KIF9: variants seen among roughly 807,000 people sequenced by gnomAD.
KIF9 encodes the protein kinesin-like protein KIF9.
Under a neutral mutation model 94.8 loss-of-function variants are expected in KIF9, and 68 were observed. The ratio of observed to expected loss-of-function variants is 0.72; its 90% confidence interval spans 0.59 to 0.88. KIF9 has a LOEUF of 0.88. KIF9 is among the 40% of genes least tolerant of loss of function. The pLI is 0.00. For synonymous variants in KIF9, 343 were observed against 362.1 expected, an observed-to-expected ratio of 0.95 and a Z score of 0.60; for missense variants, 882 against 982.5, an observed-to-expected ratio of 0.90 and a Z score of 1.37.
intron 8 of KIF9, 123 bp from the exon 9 acceptor site, chr3:47,264,473 G>A (rs770108761): frequency 7.0e-6 from 5 of 718,488 alleles, no homozygotes; most frequent in Non-Finnish European, 9.9e-6. Context: ...GTCTCACTAT[G>A]TCACCCAGGC....
At chr3:47,256,557 G>A (rs541703691) in intron 10 of KIF9, among the ~76,000 whole-genome samples, 33 of 150,570 alleles carry the variant, frequency 2.2e-4, no homozygotes, top group Admixed American at 1.4e-3. Context: ...CGCCCTGTCC[G>A]GGAGGGGAGG....
chr3:47,260,461 G>A (rs1038569554), intron 9 of KIF9, among the ~76,000 whole-genome samples: 1 of 152,060 alleles, frequency 6.6e-6, no homozygotes, highest in Non-Finnish European at 1.5e-5. Flanking sequence ...CCCACCTTAC[G>A]AGAAACACCC....
At position 47,240,862 on chromosome 3, in the gene KIF9, CT is replaced by C. The variant is rs1292767764; in HGVS notation, c.1862del (p.Lys621SerfsTer6). On this transcript the variant is annotated frameshift_variant, in exon 17 of 21. Transcript: ENST00000684063. LOFTEE classifies it high-confidence loss of function. Reference protein sequence around the residue: ...SETTQHINAIKREIDVTKEAL... With the variant: ...SETTQHINAIXREIDVTKEAL... ...CCTCCTTGGTCACATCAATCTCCCG[CT>C]TGATGGCATTGATGTGCTGTGTGGT... 4.3e-6 allele frequency: 7 copies of C among 1,614,108 alleles called. No homozygotes were observed. The African/African-American group carries it at 8.0e-5, about 18-fold the overall frequency.
chr3:47,236,199 T>C (rs779023088), intron 18 of KIF9, 50 bp from the exon 19 acceptor site: 1 of 1,339,734 alleles, frequency 7.5e-7, no homozygotes, highest in Non-Finnish European at 1.1e-6. Context: ...AAGGGCTGTG[T>C]GCTGTCATCT....
intron 5 of KIF9, among the ~76,000 whole-genome samples, chr3:47,267,871 C>CT (rs1701385920): frequency 6.9e-6 from 1 of 144,854 alleles, no homozygotes; most frequent in African/African-American, 2.5e-5. Flanking sequence ...TTTGTGTTCT[C>CT]CTTTTTTTTT....
intron 3 of KIF9, 132 bp downstream of exon 3, chr3:47,275,193 C>T (rs1421602551): frequency 1.4e-6 from 1 of 713,428 alleles, no homozygotes; most frequent in South Asian, 2.1e-5. Flanking sequence ...GTAAGTTTTG[C>T]AACGTAAGAA....
chr3:47,246,491 T>G (rs1019577701), intron 12 of KIF9: 1 of 319,200 alleles, frequency 3.1e-6, no homozygotes, highest in African/African-American at 2.1e-5. Flanking sequence ...AAACCACCTT[T>G]TCGAAGTGGA....
rs1166175644 is a variant in KIF9, at chr3:47,234,272, C to G, written c.2322+1241G>C. 3.3e-5 allele frequency among the ~76,000 whole-genome samples: 5 copies of G among 150,316 alleles called. No individual in the cohort carries two copies. In the South Asian group the frequency reaches 6.3e-4, roughly 19 times the overall value. ...TTGGAGACGGAGTCTCTCATTCTGT[C>G]GCCGAGGCTGGAGTGTAGTGGTACA... is the stretch of plus-strand genomic sequence containing the variant. On this transcript the variant is annotated intron_variant, in intron 20 of 20. Transcript: ENST00000684063.
rs1701639012 is a variant in KIF9 at position 47,271,405 on chromosome 3, G to A, written c.423C>T (p.Tyr141=). The A allele has an allele frequency of 6.2e-7, 1 of 1,613,940 alleles. No individual in the cohort carries two copies. ...ACAGGCTCTCATTATAGATTTCCAA[G>A]TAGGAAACACGCACAGTGATGGCAT... ...PTHAITVRVS[Y]LEIYNESLFD... The change falls in exon 5 of 21, where the codon TAC becomes TAT. Residue 141 remains tyrosine, a synonymous_variant. Coordinates refer to ENST00000684063, the MANE Select transcript of KIF9 (RefSeq NM_182902.4).
At position 47,247,223 on chromosome 3, in the gene KIF9, G is replaced by C; in HGVS notation, c.1233+150C>G. 10 of 565,710 alleles carry C rather than the reference G, an allele frequency of 1.8e-5. No individual in the cohort carries two copies. In the South Asian group the frequency reaches 2.1e-4, roughly 12 times the overall value. The allele number at this position is 565,710 out of a possible 1,614,324, so 35.0% of individuals were successfully genotyped here. On this transcript the variant is annotated intron_variant, in intron 12 of 20. Coordinates refer to ENST00000684063, the MANE Select transcript of KIF9 (RefSeq NM_182902.4). The stretch of plus-strand genomic sequence containing the variant: ...GCTTGTGCCCCTGAGATGAGCTGAA[G>C]GGACCCTGACATCAAGAGTCCAGCA...
At position 47,236,446 on chromosome 3, in the gene KIF9, T is replaced by C. The variant is rs377221664; in HGVS notation, c.2098A>G (p.Met700Val). 10 of 1,612,804 alleles carry C rather than the reference T, an allele frequency of 6.2e-6. No homozygotes were observed. Among genetic ancestry groups the C allele is most frequent in the Non-Finnish European group, 8.5e-6 (10 of 1,180,002 alleles). The stretch of plus-strand genomic sequence containing the variant: ...CCAACCTTCCCAACTGTCGCACCCA[T>C]GAGCAGGCGGTGGCGACACTGATCC... ...LVDQCRHRLL[M>V]EFDIWYNESF... The change falls in exon 18 of 21, where the codon ATG becomes GTG. Residue 700 changes from methionine to valine, a missense_variant. Met to Val is a conservative substitution (Grantham distance 21, BLOSUM62 1). Transcript: ENST00000684063.
At chr3:47,264,212 G>T in intron 9 of KIF9, 74 bp downstream of exon 9, 2 of 1,152,388 alleles carry the variant, frequency 1.7e-6, no homozygotes, top group Non-Finnish European at 2.6e-6. Context: ...AGGGTAGCCA[G>T]CCTGGAGCCT....
rs142546493 is a variant in KIF9 at position 47,246,219 on chromosome 3, T to A, written c.1267A>T (p.Asn423Tyr). 60 of 1,613,632 alleles carry A rather than the reference T, an allele frequency of 3.7e-5. No individual in the cohort carries two copies. Among genetic ancestry groups the A allele is most frequent in the Non-Finnish European group, 4.8e-5 (57 of 1,179,838 alleles). ...ISLRQIKEVF[N>Y]QFRVVLSQQE... ...CACCTCAGAACCACCCGGAACTGGT[T>A]GAACACCTCCTTGATCTGTCTAAGG... Residue 423 changes from asparagine (N) to tyrosine (Y), a missense_variant, in exon 13 of 21, where the codon AAC becomes TAC. Asn to Tyr is a moderately radical substitution (Grantham distance 143). Transcript: ENST00000684063.
At chr3:47,243,365 C>A in intron 15 of KIF9, 120 bp from the exon 16 acceptor site, 1 of 743,014 alleles carries the variant, frequency 1.3e-6, no homozygotes, top group Non-Finnish European at 2.1e-6. Context: ...CAGCTCCCAT[C>A]TTGTTCATAT....
intron 16 of KIF9, among the ~76,000 whole-genome samples, chr3:47,241,671 GTATATACATATATGCA>G (rs1383251975): frequency 2.7e-5 from 4 of 148,624 alleles, no homozygotes; most frequent in South Asian, 2.1e-4. Flanking sequence ...GTGTGTGTGT[GTATATACATATATGCA>G]TATATACATA....
At chr3:47,235,795 T>TAACTGCTGCCTGAGCAGGATG (rs1236695878) in intron 19 of KIF9, among the ~76,000 whole-genome samples, 178 bp from the exon 20 acceptor site, 3 of 152,208 alleles carry the variant, frequency 2.0e-5, no homozygotes, top group Non-Finnish European at 4.4e-5. Context: ...AGACAACCTG[T>TAACTGCTGCCTGAGCAGGATG]AACTGCTGCC....
chr3:47,265,878 C>G lies in KIF9; in HGVS notation c.769-1G>C, dbSNP rs1402042884. 6.2e-7 allele frequency: 1 copy of G among 1,614,136 alleles called. No individual in the cohort carries two copies. The highest frequency in any genetic ancestry group is 8.5e-7 in the Non-Finnish European group (1 of 1,180,008). On this transcript the variant is annotated splice_acceptor_variant, in intron 7 of 20. Coordinates refer to ENST00000684063, the MANE Select transcript of KIF9 (RefSeq NM_182902.4). LOFTEE classifies it high-confidence loss of function. The stretch of plus-strand genomic sequence containing the variant: ...CTTCCTTCAGGACTTGGCCCTCAGA[C>G]TACAAAGCAAAGGTCAGTTCCACTT...
chr3:47,257,533 TC>T lies in KIF9; in HGVS notation c.1008del (p.Met337Ter). 1 of 1,613,904 alleles carries T rather than the reference TC, an allele frequency of 6.2e-7. No individual in the cohort carries two copies. Among genetic ancestry groups the T allele is most frequent in the East Asian group, 2.2e-5 (1 of 44,892 alleles). ...GCAGGCTCAGTGGTGACTAGCTTCA[TC>T]CTGCTGGCAAATCTCAGTGAAGATA... ...ETLSSLRFAS[R>X]MKLVTTEPAI... On this transcript the variant is annotated frameshift_variant, in exon 10 of 21. Coordinates refer to ENST00000684063, the MANE Select transcript of KIF9 (RefSeq NM_182902.4). LOFTEE classifies it high-confidence loss of function.
rs757953069 is a variant in KIF9, at chr3:47,271,269, G to T, written c.559C>A (p.Gln187Lys). 10 of 1,613,946 alleles carry T rather than the reference G, an allele frequency of 6.2e-6. No individual in the cohort carries two copies. Among genetic ancestry groups the T allele is most frequent in the Non-Finnish European group, 7.6e-6 (9 of 1,179,912 alleles). ...IKGLSVHLTS[Q>K]EEDAFSLLFE... Reference sequence around the variant, plus strand: ...AGGAGGCTGAATGCATCCTCCTCCTGACTTGTGAGGTGAACTGACAAGCCC... The same window carrying T: ...AGGAGGCTGAATGCATCCTCCTCCTTACTTGTGAGGTGAACTGACAAGCCC... The change falls in exon 5 of 21, where the codon CAG becomes AAG. Residue 187 changes from glutamine to lysine, a missense_variant. Transcript: ENST00000684063.
Sources: gnomAD v4.1 joint callset for allele counts (sites outside exome capture counted in the v4.1 genomes callset) on GRCh38, gnomAD v4.1.1 for gene constraint, MANE v1.5 for transcripts, NCBI Gene and HGNC (gene_info 2026-07-23, HGNC 2026-07-21) for gene names.